TESMIN: variants seen among roughly 807,000 people sequenced by gnomAD.
TESMIN encodes the protein testis expressed metallothionein like protein, also known as CXC domain containing 2.
A neutral mutation model predicts 47.4 loss-of-function variants in TESMIN; 34 were observed. The observed-to-expected ratio is 0.72, with a 90% CI of 0.55 to 0.96. The LOEUF is 0.96. Ranked by LOEUF, TESMIN falls within the 40% of genes least tolerant of loss-of-function variation. The probability of loss-of-function intolerance (pLI) is 0.00; values close to 1 mark genes in which losing one functional copy is unlikely to be tolerated. For synonymous variants in TESMIN, 278 were observed against 258.9 expected (o/e 1.07, Z -0.71); for missense variants, 610 against 637.2 (o/e 0.96, Z 0.46).
At chr11:68,709,649 G>T (rs888919562) in intron 9 of TESMIN, among the ~76,000 whole-genome samples, 3 of 152,130 alleles carry the variant, frequency 2.0e-5, no homozygotes, top group African/African-American at 7.2e-5. Context: ...GCAAAATGTT[G>T]GATTAAAGTC....
rs1217782715 is a variant in TESMIN at position 68,708,054 on chromosome 11, C to A, written c.*254G>T. On this transcript the variant is annotated 3_prime_UTR_variant, in exon 10 of 10. Transcript: ENST00000255087. ...GCTCTGCCCTCCGCCGCCCTGCAGA[C>A]ACTCTCCCAGGACTATGGGAACCCA... is the stretch of plus-strand genomic sequence containing the variant. The A allele has an allele frequency of 4.0e-6, 2 of 498,390 alleles. No individual in the cohort carries two copies. Among genetic ancestry groups the A allele is most frequent in the Non-Finnish European group, 7.3e-6 (2 of 272,430 alleles). The allele number at this position is 498,390 out of a possible 1,614,324, so 30.9% of individuals were successfully genotyped here.
intron 3 of TESMIN, among the ~76,000 whole-genome samples, chr11:68,745,685 G>A (rs1161826636): frequency 6.6e-6 from 1 of 152,254 alleles, no homozygotes; most frequent in African/African-American, 2.4e-5. Context: ...GTACAGCTTA[G>A]AAAGGTTAGT....
At chr11:68,729,386 G>A (rs1005118118) in intron 6 of TESMIN, among the ~76,000 whole-genome samples, 27 of 151,978 alleles carry the variant, frequency 1.8e-4, no homozygotes, top group African/African-American at 3.9e-4. Flanking sequence ...TTAGCTGGGC[G>A]TGGTGGTGGG....
intron 6 of TESMIN, among the ~76,000 whole-genome samples, chr11:68,725,455 A>C (rs1381689528): frequency 1.3e-5 from 2 of 152,142 alleles, no homozygotes; most frequent in African/African-American, 2.4e-5. Context: ...AGACTGCCTC[A>C]ATGCTGGCAC....
intron 6 of TESMIN, chr11:68,737,269 G>C (rs1406048404): frequency 2.0e-6 from 2 of 985,344 alleles, no homozygotes; most frequent in South Asian, 4.7e-5. Flanking sequence ...ATGGCCCACA[G>C]TCTTATTCTG....
intron 4 of TESMIN, among the ~76,000 whole-genome samples, chr11:68,744,456 T>C (rs1296012254): frequency 6.6e-6 from 1 of 152,264 alleles, no homozygotes; most frequent in Admixed American, 6.5e-5. Flanking sequence ...CTTATTATTG[T>C]GCCAGGTTAA....
chr11:68,751,198 G>T (rs1946603043), intron 1 of TESMIN, among the ~76,000 whole-genome samples: 1 of 137,664 alleles, frequency 7.3e-6, no homozygotes, highest in African/African-American at 2.7e-5. Flanking sequence ...GCCCAGGGGA[G>T]GGGGCCAGGT....
chr11:68,712,715 A>G (rs898164942), intron 8 of TESMIN, among the ~76,000 whole-genome samples: 2 of 152,208 alleles, frequency 1.3e-5, no homozygotes, highest in African/African-American at 4.8e-5. Flanking sequence ...TTGCTTTGTT[A>G]GCCTCTCTCC....
At chr11:68,716,807 C>T (rs1413633755) in intron 6 of TESMIN, among the ~76,000 whole-genome samples, 1 of 152,252 alleles carries the variant, frequency 6.6e-6, no homozygotes, top group Non-Finnish European at 1.5e-5. Flanking sequence ...GGCAAGGACT[C>T]CTACTGTGCC....
chr11:68,751,051 G>T (rs1946598222), intron 1 of TESMIN, among the ~76,000 whole-genome samples: 4 of 107,140 alleles, frequency 3.7e-5, no homozygotes, highest in Non-Finnish European at 6.0e-5. Flanking sequence ...GGCGACCAGG[G>T]GAGGGGCGGC....
In TESMIN at chr11:68,715,855, T is replaced by C; in HGVS notation, c.1002A>G (p.Glu334=). 1.2e-6 allele frequency: 2 copies of C among 1,608,602 alleles called. No homozygotes were observed. The highest frequency in any genetic ancestry group is 4.5e-5 in the East Asian group (2 of 44,854). Residue 334 remains glutamate, a synonymous_variant, in exon 7 of 10, where the codon GAA becomes GAG. Transcript: ENST00000255087. ...TTATTACCTTAATGGCTTTAAACCG[T>C]TCAATATCATGATGCAAGTTGTTGC... ...NCCNNLHHDI[E]RFKAIKACLG...
At position 68,708,204 on chromosome 11, in the gene TESMIN, C is replaced by A; in HGVS notation, c.*104G>T. On this transcript the variant is annotated 3_prime_UTR_variant, in exon 10 of 10. Transcript: ENST00000255087. The stretch of plus-strand genomic sequence containing the variant: ...CCCTGGGCCCAGGGATGCAGGGGAG[C>A]CTGGTTGTTGCTGCAGAGCCAGCCT... The A allele has an allele frequency of 8.6e-7, 1 of 1,161,752 alleles. No homozygotes were observed. The allele number at this position is 1,161,752 out of a possible 1,614,324, so 72.0% of individuals were successfully genotyped here. A position where few individuals can be genotyped will look rare whatever the true frequency, so the allele number is the denominator to read the frequency against.
At chr11:68,706,752 GATT>G (rs1946002543), downstream of TESMIN, among the ~76,000 whole-genome samples, 1 of 152,194 alleles carries the variant, frequency 6.6e-6, no homozygotes, top group Non-Finnish European at 1.5e-5. Flanking sequence ...ATAAATAAAA[GATT>G]ATTAAAACTA....
downstream of TESMIN, among the ~76,000 whole-genome samples, chr11:68,706,380 C>A (rs544555558): frequency 1.3e-5 from 2 of 152,352 alleles, no homozygotes; most frequent in South Asian, 2.1e-4. Context: ...TCAGAGCATC[C>A]TTGGCCAGCG....
chr11:68,721,781 T>A (rs1274334563), intron 6 of TESMIN, among the ~76,000 whole-genome samples: 1 of 152,228 alleles, frequency 6.6e-6, no homozygotes, highest in Non-Finnish European at 1.5e-5. Context: ...TTCCTCCACT[T>A]TGCCATTAGC....
intron 6 of TESMIN, chr11:68,732,758 C>G (rs981878732): frequency 1.1e-4 from 17 of 152,356 alleles, no homozygotes; most frequent in African/African-American, 4.1e-4. Context: ...TTCAGACAGT[C>G]AACCCTAGAC....
At chr11:68,709,804 A>G (rs1946041507) in intron 9 of TESMIN, among the ~76,000 whole-genome samples, 1 of 152,178 alleles carries the variant, frequency 6.6e-6, no homozygotes. Context: ...ATCCTGCTGC[A>G]GGCGATGACA....
rs144694112 is a variant in TESMIN at position 68,719,418 on chromosome 11, C to T, written c.918-3479G>A. ...TAATCTAACCAAGTCTATCTCATGT[C>T]TGGGTGTGGGAAATGTGTGTGTTGG... On this transcript the variant is annotated intron_variant, in intron 6 of 9. Coordinates refer to ENST00000255087, the MANE Select transcript of TESMIN (RefSeq NM_004923.3). Among the ~76,000 whole-genome samples, 1,124 of 152,244 alleles carry T rather than the reference C, an allele frequency of 7.4e-3. 9 individuals are homozygous for T. Among genetic ancestry groups the T allele is most frequent in the Non-Finnish European group, 0.012 (791 of 68,012 alleles).
Position 68,711,337 on chromosome 11 carries a change from C to T in TESMIN, c.1159-288G>A, listed in dbSNP as rs117045513. Reference sequence around the variant, plus strand: ...GTGGGGTGTGTGTGTGTCGAGTGTGCGTGTGTGTGCATGAGTGTATGTGGG... The same window carrying T: ...GTGGGGTGTGTGTGTGTCGAGTGTGTGTGTGTGTGCATGAGTGTATGTGGG... On this transcript the variant is annotated intron_variant, in intron 8 of 9. Coordinates refer to ENST00000255087, the MANE Select transcript of TESMIN (RefSeq NM_004923.3). Among the ~76,000 whole-genome samples, 683 of 148,378 alleles carry T rather than the reference C, an allele frequency of 4.6e-3. 4 individuals carry two copies. The highest frequency in any genetic ancestry group is 0.016 in the African/African-American group (623 of 40,140).
Sources: allele counts gnomAD v4.1 joint callset (sites outside exome capture counted in the v4.1 genomes callset), GRCh38; gene constraint gnomAD v4.1.1; transcripts MANE v1.5; gene names NCBI Gene and HGNC (gene_info 2026-07-23, HGNC 2026-07-21).